DNAJC11: variants seen among roughly 807,000 people sequenced by gnomAD.
The protein encoded by DNAJC11 is dnaJ homolog subfamily C member 11.
In DNAJC11, 15 loss-of-function variants were observed where a neutral mutation model predicts 78.6. The observed-to-expected ratio is 0.19, with a 90% CI of 0.13 to 0.29. The LOEUF (loss-of-function observed/expected upper bound fraction) is 0.29, where lower values mean the gene tolerates loss of function less well. Ranked by LOEUF, DNAJC11 falls within the 10% of genes least tolerant of loss-of-function variation. The pLI, the probability that DNAJC11 is intolerant of heterozygous loss-of-function variation, is 1.00. For missense variants in DNAJC11, 547 were observed against 709.6 expected, an observed-to-expected ratio of 0.77 and a Z score of 2.60; for synonymous variants, 292 against 272.1, an observed-to-expected ratio of 1.07 and a Z score of -0.72.
chr1:6,648,672 G>T (rs910905019), intron 7 of DNAJC11, among the ~76,000 whole-genome samples: 1 of 151,978 alleles, frequency 6.6e-6, no homozygotes, highest in Non-Finnish European at 1.5e-5. Context: ...GCCTAGGCTG[G>T]TCTCAAACTC....
Position 6,680,771 on chromosome 1 carries a change from C to T in DNAJC11, c.202+137G>A. The T allele has an allele frequency of 1.0e-6, 1 of 992,812 alleles. No homozygotes were observed. The highest frequency in any genetic ancestry group is 1.6e-5 in the African/African-American group (1 of 61,998). The allele number at this position is 992,812 out of a possible 1,614,324, so 61.5% of individuals were successfully genotyped here. A position where few individuals can be genotyped will look rare whatever the true frequency, so the allele number is the denominator to read the frequency against. On this transcript the variant is annotated intron_variant, in intron 2 of 15. Transcript: ENST00000377577. The surrounding 1 kb of genome is among the most constrained non-coding windows in gnomAD (Gnocchi z 4.0). ...ATACTATTCTTTCAAAGGACCCTGT[C>T]AGTGAAAAGTACTAAACTAACCACC...
At position 6,660,447 on chromosome 1, in the gene DNAJC11, C is replaced by T. The variant is rs1022647115; in HGVS notation, c.379-6408G>A. The stretch of plus-strand genomic sequence containing the variant: ...CTGGGATTACAGGCATGAGCCACCA[C>T]GCCCAGTCTTAATATATAATTTATA... On this transcript the variant is annotated intron_variant, in intron 4 of 15. Coordinates refer to ENST00000377577, the MANE Select transcript of DNAJC11 (RefSeq NM_018198.4). 1.6e-4 allele frequency among the ~76,000 whole-genome samples: 25 copies of T among 152,242 alleles called. No homozygotes were observed. The Middle Eastern group carries it at 0.02, about 124-fold the overall frequency.
intron 1 of DNAJC11, among the ~76,000 whole-genome samples, chr1:6,683,782 A>G (rs1642591189): frequency 6.6e-6 from 1 of 152,228 alleles, no homozygotes; most frequent in African/African-American, 2.4e-5. Context: ...CTGTATACTC[A>G]GGAGATGACC....
At chr1:6,691,484 G>A (rs1007824861) in intron 1 of DNAJC11, among the ~76,000 whole-genome samples, 1 of 152,164 alleles carries the variant, frequency 6.6e-6, no homozygotes, top group Admixed American at 6.6e-5. Context: ...AAGCTCCAGA[G>A]TTGCACCAAA....
At chr1:6,686,300 C>G (rs1172769781) in intron 1 of DNAJC11, among the ~76,000 whole-genome samples, 1 of 152,056 alleles carries the variant, frequency 6.6e-6, no homozygotes, top group Non-Finnish European at 1.5e-5. Flanking sequence ...ATCCTAACAC[C>G]AAATAACTTA....
chr1:6,668,491 A>C (rs907652226), intron 3 of DNAJC11, among the ~76,000 whole-genome samples: 1 of 152,202 alleles, frequency 6.6e-6, no homozygotes, highest in Non-Finnish European at 1.5e-5. Context: ...AACAAATGTT[A>C]AATATCAAGA....
rs568980254 is a variant in DNAJC11, at chr1:6,654,252, A to G, written c.379-213T>C. 9.8e-5 allele frequency: 45 copies of G among 460,484 alleles called. 1 individual carries two copies. Among genetic ancestry groups the G allele is most frequent in the African/African-American group, 8.7e-4 (44 of 50,358 alleles). 28.5% of individuals were successfully genotyped at this position (460,484 alleles called of 1,614,324 possible). A position where few individuals can be genotyped will look rare whatever the true frequency, so the allele number is the denominator to read the frequency against. On this transcript the variant is annotated intron_variant, in intron 4 of 15. Transcript: ENST00000377577. ...GAGCACCACAGACGTCCAGAGCTAG[A>G]AAACATCATTTGACCAGGAGAGCCG... is the stretch of plus-strand genomic sequence containing the variant.
At chr1:6,687,779 T>C (rs1181630121) in intron 1 of DNAJC11, among the ~76,000 whole-genome samples, 1 of 152,162 alleles carries the variant, frequency 6.6e-6, no homozygotes, top group Non-Finnish European at 1.5e-5. Context: ...ATGGGATTCA[T>C]CGTCAAACAG....
At chr1:6,638,464 T>C in intron 11 of DNAJC11, 100 bp from the exon 12 acceptor site, 1 of 1,124,262 alleles carries the variant, frequency 8.9e-7, no homozygotes, top group Non-Finnish European at 1.3e-6. Context: ...GCAAACAGTC[T>C]GTGATCTTAC....
At chr1:6,690,594 G>C (rs1642729231) in intron 1 of DNAJC11, among the ~76,000 whole-genome samples, 1 of 152,232 alleles carries the variant, frequency 6.6e-6, no homozygotes, top group Non-Finnish European at 1.5e-5. Context: ...AAACACGCAA[G>C]GGGTGGGCTA....
rs190766083 is a variant in DNAJC11 at position 6,655,092 on chromosome 1, C to T, written c.379-1053G>A. Among the ~76,000 whole-genome samples the T allele has an allele frequency of 1.5e-4, 23 of 152,300 alleles. No homozygotes were observed. In the East Asian group the frequency reaches 4.2e-3, roughly 28 times the overall value. On this transcript the variant is annotated intron_variant, in intron 4 of 15. Transcript: ENST00000377577. ...GATTACAGGTGTGAGCCACCGCGCCCAGCTGGTGCTAGCTTTCTATCAGAT... is the reference window on the plus strand; with the variant it reads ...GATTACAGGTGTGAGCCACCGCGCCTAGCTGGTGCTAGCTTTCTATCAGAT...
chr1:6,701,540 C>A (rs551923256), intron 1 of DNAJC11, among the ~76,000 whole-genome samples, 189 bp downstream of exon 1: 23 of 152,216 alleles, frequency 1.5e-4, no homozygotes, highest in African/African-American at 5.3e-4. Flanking sequence ...CCCCGGAACC[C>A]CCGGCGGGAG....
chr1:6,650,987 C>T (rs185636391), intron 7 of DNAJC11: 1 of 502,172 alleles, frequency 2.0e-6, no homozygotes, highest in Non-Finnish European at 4.2e-6. Context: ...ATTCTTTTAT[C>T]TGAGCTCACA....
At chr1:6,665,170 C>G (rs200450) in intron 4 of DNAJC11, among the ~76,000 whole-genome samples, 83,234 of 151,896 alleles carry the variant, frequency 0.55, 23,008 homozygotes, top group Admixed American at 0.63. Flanking sequence ...TGGGCTCGGG[C>G]AACCCTCCTT....
intron 3 of DNAJC11, among the ~76,000 whole-genome samples, chr1:6,676,120 T>C (rs1028848131): frequency 6.6e-6 from 1 of 152,184 alleles, no homozygotes; most frequent in African/African-American, 2.4e-5. Flanking sequence ...AGCACTGCTA[T>C]TCCCATCAAG....
At chr1:6,681,141 G>A (rs1338680621) in intron 1 of DNAJC11, 104 bp from the exon 2 acceptor site, 17 of 1,218,246 alleles carry the variant, frequency 1.4e-5, no homozygotes, top group Non-Finnish European at 1.7e-5. Flanking sequence ...GTCCCAATGT[G>A]TTTGCTCTCG....
At chr1:6,661,106 C>T (rs1242769260) in intron 4 of DNAJC11, among the ~76,000 whole-genome samples, 1 of 152,226 alleles carries the variant, frequency 6.6e-6, no homozygotes, top group Non-Finnish European at 1.5e-5. Context: ...TAGTGATGGT[C>T]ACAATCACGT....
At chr1:6,641,240 G>C (rs1190685608) in intron 10 of DNAJC11, among the ~76,000 whole-genome samples, 1 of 151,784 alleles carries the variant, frequency 6.6e-6, no homozygotes, top group African/African-American at 2.4e-5. Flanking sequence ...ACAAAAATTA[G>C]CTGGGTGTGG....
Position 6,651,594 on chromosome 1 carries a change from A to G in DNAJC11, c.639T>C (p.Phe213=), listed in dbSNP as rs1421577629. 1 of 1,613,898 alleles carries G rather than the reference A, an allele frequency of 6.2e-7. No individual in the cohort carries two copies. Among genetic ancestry groups the G allele is most frequent in the Non-Finnish European group, 8.5e-7 (1 of 1,179,932 alleles). Reference sequence around the variant, plus strand: ...AAGGCCCCTGTAGGTCTCCAGCTCCAAATTCCAACTGTTTGAAAAGGAAAA... The same window carrying G: ...AAGGCCCCTGTAGGTCTCCAGCTCCGAATTCCAACTGTTTGAAAAGGAAAA... ...TSAKGWGELE[F]GAGDLQGPLF... Residue 213 remains phenylalanine (F), a synonymous_variant, in exon 7 of 16, where the codon TTT becomes TTC. Coordinates refer to ENST00000377577, the MANE Select transcript of DNAJC11 (RefSeq NM_018198.4).
Sources: allele counts gnomAD v4.1 joint callset (sites outside exome capture counted in the v4.1 genomes callset), GRCh38; gene constraint gnomAD v4.1.1; non-coding constraint Gnocchi (gnomAD v3.1); transcripts MANE v1.5; gene names NCBI Gene and HGNC (gene_info 2026-07-23, HGNC 2026-07-21).